Variants in DMD observed in about 807,000 individuals in gnomAD.
DMD encodes the protein dystrophin.
DMD carries 63 observed loss-of-function variants against 330.1 expected under a neutral mutation model. The observed-to-expected ratio is 0.19, with a 90% CI of 0.16 to 0.24. The LOEUF is 0.24. Ranked by LOEUF, DMD falls within the 10% of genes least tolerant of loss-of-function variation. The pLI is 1.00. For synonymous variants in DMD, 1,223 were observed against 959.8 expected (o/e 1.27, Z -5.07); for missense variants, 3,344 against 2,684.1 (o/e 1.25, Z -5.43).
chrX:31,862,887 T>C (rs1470516238), intron 48 of DMD, among the ~76,000 whole-genome samples: 1 of 112,525 alleles, frequency 8.9e-6, no homozygotes, highest in Non-Finnish European at 1.9e-5. Context: ...AGAAGACAAG[T>C]ACCTCTGAAG....
At chrX:31,624,881 C>A (rs2078754886) in intron 55 of DMD, among the ~76,000 whole-genome samples, 1 of 111,974 alleles carries the variant, frequency 8.9e-6, no homozygotes, top group South Asian at 3.7e-4. Flanking sequence ...GCAAACACTT[C>A]CATTTAGCTG....
intron 1 of DMD, among the ~76,000 whole-genome samples, chrX:33,146,878 A>C (rs746477193): frequency 9.1e-6 from 1 of 110,390 alleles, no homozygotes; most frequent in East Asian, 2.8e-4. Context: ...GCTGCAGTGC[A>C]GTGGCTCAAT....
intron 12 of DMD, among the ~76,000 whole-genome samples, chrX:32,600,615 C>CACAT (rs1383927766): frequency 9.3e-6 from 1 of 108,071 alleles, no homozygotes; most frequent in African/African-American, 3.4e-5. Context: ...CACACACACA[C>CACAT]ACACACACAA....
chrX:32,178,665 T>C (rs948636541), intron 44 of DMD, among the ~76,000 whole-genome samples: 7 of 111,463 alleles, frequency 6.3e-5, no homozygotes, highest in Non-Finnish European at 9.4e-5. Flanking sequence ...ACTATCTGTA[T>C]ATATTTGACC....
chrX:32,747,533 T>C (rs1172289828), intron 7 of DMD, among the ~76,000 whole-genome samples: 2 of 112,100 alleles, frequency 1.8e-5, no homozygotes, highest in African/African-American at 6.5e-5. Flanking sequence ...CAGGCTCGAG[T>C]GCAGTGGCAT....
chrX:33,167,649 T>A (rs2049123837), intron 1 of DMD, among the ~76,000 whole-genome samples: 1 of 110,805 alleles, frequency 9.0e-6, no homozygotes, highest in Non-Finnish European at 1.9e-5. Context: ...AGAGTAAAAT[T>A]TGAGCATGGA....
chrX:32,171,766 C>A (rs2147355591), intron 44 of DMD, among the ~76,000 whole-genome samples: 1 of 111,650 alleles, frequency 9.0e-6, no homozygotes, highest in African/African-American at 3.2e-5. Flanking sequence ...TATTCAAGAT[C>A]TTTCCCATAC....
chrX:32,358,340 T>C (rs993167209), intron 37 of DMD, among the ~76,000 whole-genome samples: 1 of 111,002 alleles, frequency 9.0e-6, no homozygotes, highest in Non-Finnish European at 1.9e-5. Context: ...CCCGATGGTA[T>C]CCACTTGCCC....
At chrX:31,796,571 C>A (rs1330584518) in intron 50 of DMD, among the ~76,000 whole-genome samples, 1 of 112,071 alleles carries the variant, frequency 8.9e-6, no homozygotes, top group Non-Finnish European at 1.9e-5. Flanking sequence ...AGAGAGAAGC[C>A]TGAACTAGAG....
chrX:33,136,955 A>G (rs1389340866), intron 1 of DMD, among the ~76,000 whole-genome samples: 1 of 111,073 alleles, frequency 9.0e-6, no homozygotes, highest in Non-Finnish European at 1.9e-5. Flanking sequence ...GTACAAGTTT[A>G]ATACATATAT....
intron 2 of DMD, among the ~76,000 whole-genome samples, chrX:32,875,901 T>C (rs1250493701): frequency 8.9e-6 from 1 of 111,882 alleles, no homozygotes; most frequent in Non-Finnish European, 1.9e-5. Context: ...TTTTTAACTG[T>C]GTATAATATC....
At chrX:31,842,460 G>A (rs1209129021) in intron 48 of DMD, among the ~76,000 whole-genome samples, 1 of 112,063 alleles carries the variant, frequency 8.9e-6, no homozygotes, top group Non-Finnish European at 1.9e-5. Flanking sequence ...AAGATCTACT[G>A]TGGGTAAAAT....
At chrX:33,068,842 T>C (rs746955320) in intron 1 of DMD, among the ~76,000 whole-genome samples, 1 of 112,358 alleles carries the variant, frequency 8.9e-6, no homozygotes, top group Non-Finnish European at 1.9e-5. Flanking sequence ...ATTACAGCTT[T>C]GTGAAACAAT....
At chrX:32,874,397 T>C (rs762705996) in intron 2 of DMD, among the ~76,000 whole-genome samples, 5 of 111,675 alleles carry the variant, frequency 4.5e-5, no homozygotes, top group Non-Finnish European at 9.4e-5. Flanking sequence ...AATTGTTTCC[T>C]GCCAAGATGC....
At chrX:33,323,093 C>A (rs2054038536) in intron 1 of DMD, among the ~76,000 whole-genome samples, 1 of 111,838 alleles carries the variant, frequency 8.9e-6, no homozygotes. Flanking sequence ...TAGACTTCTT[C>A]TTTTTAAAAC....
chrX:31,892,406 T>C (rs903552939), intron 47 of DMD, among the ~76,000 whole-genome samples: 3 of 110,411 alleles, frequency 2.7e-5, no homozygotes, highest in Admixed American at 9.7e-5. Context: ...CAGCCCAGAA[T>C]ATGCCTATTT....
intron 55 of DMD, among the ~76,000 whole-genome samples, chrX:31,625,889 G>T (rs1245305232): frequency 1.8e-5 from 2 of 111,735 alleles, no homozygotes; most frequent in Non-Finnish European, 3.8e-5. Flanking sequence ...ATTTTTCAAA[G>T]TAATCTGCTA....
At chrX:32,837,755 T>C (rs1210663243) in intron 4 of DMD, among the ~76,000 whole-genome samples, 5 of 111,828 alleles carry the variant, frequency 4.5e-5, no homozygotes, top group Non-Finnish European at 9.4e-5. Flanking sequence ...AAAATGAAAA[T>C]GCTTTTGCCC....
chrX:31,557,032 T>C (rs11095212), intron 55 of DMD, among the ~76,000 whole-genome samples: 16,257 of 111,720 alleles, frequency 0.15, 935 homozygotes, highest in Middle Eastern at 0.24. Flanking sequence ...TAATTACAAC[T>C]ATGAAGAATG....
Sources: allele counts gnomAD v4.1 joint callset (sites outside exome capture counted in the v4.1 genomes callset), GRCh38; gene constraint gnomAD v4.1.1; transcripts MANE v1.5; gene names NCBI Gene and HGNC (gene_info 2026-07-23, HGNC 2026-07-21).